Variants in PLAG1 observed in about 807,000 individuals in gnomAD.
The protein encoded by PLAG1 is zinc finger protein PLAG1.
A neutral mutation model predicts 35.5 loss-of-function variants in PLAG1; 7 were observed. The ratio of observed to expected loss-of-function variants is 0.20; its 90% CI spans 0.11 to 0.37. The LOEUF is 0.37. Ranked by LOEUF, PLAG1 falls within the 10% of genes least tolerant of loss-of-function variation. The pLI, the probability that PLAG1 is intolerant of heterozygous loss-of-function variation, is 1.00. For synonymous variants in PLAG1, 229 were observed against 225.4 expected (o/e 1.02, Z -0.14); for missense variants, 454 against 602.8 (o/e 0.75, Z 2.58).
At chr8:56,186,829 G>A (rs1812032599) in intron 1 of PLAG1, among the ~76,000 whole-genome samples, 1 of 151,924 alleles carries the variant, frequency 6.6e-6, no homozygotes, top group Non-Finnish European at 1.5e-5. Context: ...TGATTCTCCT[G>A]CCTCAGCCTC....
intron 1 of PLAG1, among the ~76,000 whole-genome samples, chr8:56,197,944 G>A (rs939641998): frequency 1.3e-5 from 2 of 152,152 alleles, no homozygotes; most frequent in African/African-American, 4.8e-5. Flanking sequence ...CAACCTTGCT[G>A]TTCCACACTT....
At chr8:56,189,488 TATC>T (rs2129230434) in intron 1 of PLAG1, among the ~76,000 whole-genome samples, 1 of 152,312 alleles carries the variant, frequency 6.6e-6, no homozygotes, top group Non-Finnish European at 1.5e-5. Flanking sequence ...AACAAATCCT[TATC>T]ATTTAATTTA....
intron 3 of PLAG1, among the ~76,000 whole-genome samples, chr8:56,170,705 A>G (rs1238977946): frequency 1.3e-5 from 2 of 152,192 alleles, no homozygotes; most frequent in Non-Finnish European, 2.9e-5. Flanking sequence ...TAAGAAAAAC[A>G]ACTTCTAAGT....
intron 1 of PLAG1, among the ~76,000 whole-genome samples, chr8:56,203,852 T>A (rs1459171376): frequency 6.6e-6 from 1 of 152,042 alleles, no homozygotes; most frequent in Non-Finnish European, 1.5e-5. Context: ...TTTATACAAT[T>A]AAATTACCTC....
chr8:56,182,000 G>A (rs1337123092), intron 1 of PLAG1, among the ~76,000 whole-genome samples: 1 of 152,200 alleles, frequency 6.6e-6, no homozygotes, highest in African/African-American at 2.4e-5. Flanking sequence ...TAGAACCACA[G>A]ATGATTAGAT....
At chr8:56,172,303 T>C (rs868697410) in intron 2 of PLAG1, among the ~76,000 whole-genome samples, 5 of 152,176 alleles carry the variant, frequency 3.3e-5, no homozygotes, top group African/African-American at 1.2e-4. Flanking sequence ...CATTTTTTTA[T>C]AGTTTAAAAG....
chr8:56,198,349 G>A (rs941290610), intron 1 of PLAG1, among the ~76,000 whole-genome samples: 5 of 152,222 alleles, frequency 3.3e-5, no homozygotes, highest in African/African-American at 1.2e-4. Flanking sequence ...AGCTGAGGCA[G>A]GCAGGCTGTG....
chr8:56,207,112 T>C (rs1812722284), intron 1 of PLAG1, among the ~76,000 whole-genome samples: 1 of 151,964 alleles, frequency 6.6e-6, no homozygotes, highest in Non-Finnish European at 1.5e-5. Context: ...TTTATATATC[T>C]TAATTTTCCA....
intron 2 of PLAG1, chr8:56,178,076 C>CCTT: frequency 1.2e-6 from 1 of 849,540 alleles, no homozygotes; most frequent in Non-Finnish European, 1.4e-6. Context: ...GCACATGGAA[C>CCTT]TACAGGTTGA....
In PLAG1 at chr8:56,179,456, G is replaced by A. The variant is rs1010668229; in HGVS notation, c.-264C>T. The A allele has an allele frequency of 4.1e-6, 4 of 978,910 alleles. No individual in the cohort carries two copies. Among genetic ancestry groups the A allele is most frequent in the South Asian group, 9.5e-5 (2 of 21,146 alleles). The allele number at this position is 978,910 out of a possible 1,614,324, so 60.6% of individuals were successfully genotyped here. A position where few individuals can be genotyped will look rare whatever the true frequency, so the allele number is the denominator to read the frequency against. Reference sequence around the variant, plus strand: ...AGCAAGGCAACCTTATTAATAGACCGTCACAGAATGAAGCATTCTGGGTGC... The same window carrying A: ...AGCAAGGCAACCTTATTAATAGACCATCACAGAATGAAGCATTCTGGGTGC... On this transcript the variant is annotated 5_prime_UTR_variant, in exon 2 of 5. It adds an upstream start codon to the 5' untranslated region. Coordinates refer to ENST00000316981, the MANE Select transcript of PLAG1 (RefSeq NM_002655.3).
rs1811410021 is a variant in PLAG1 at position 56,167,986 on chromosome 8, A to G, written c.242+42T>C. ...TTTACAATGGCTTCAAACAGCCAAC[A>G]TAAGAGAAAATATAATCTGAAAGAC... is the stretch of plus-strand genomic sequence containing the variant. On this transcript the variant is annotated intron_variant, in intron 4 of 4. Coordinates refer to ENST00000316981, the MANE Select transcript of PLAG1 (RefSeq NM_002655.3). This position sits in a 1 kb window ranked among gnomAD's most constrained non-coding sequence, Gnocchi z 5.9. 1 of 1,122,952 alleles carries G rather than the reference A, an allele frequency of 8.9e-7. No individual in the cohort carries two copies. Among genetic ancestry groups the G allele is most frequent in the Admixed American group, 2.1e-5 (1 of 46,678 alleles). 69.6% of individuals were successfully genotyped at this position (1,122,952 alleles called of 1,614,324 possible).
chr8:56,171,029 A>G (rs1315870267), intron 3 of PLAG1, 62 bp downstream of exon 3: 5 of 259,284 alleles, frequency 1.9e-5, no homozygotes, highest in African/African-American at 9.2e-5. Context: ...TAATATGCAT[A>G]TCAGTCAAAT....
chr8:56,184,231 G>A lies in PLAG1; in HGVS notation c.-321-4718C>T, dbSNP rs140972332. On this transcript the variant is annotated intron_variant, in intron 1 of 4. Transcript: ENST00000316981. The stretch of plus-strand genomic sequence containing the variant: ...ATATATGAATGGTAAAGGAGCACAC[G>A]AAAAGATCACTGATCATTAGGGAAA... Among the ~76,000 whole-genome samples, 11 of 152,236 alleles carry A rather than the reference G, an allele frequency of 7.2e-5. 1 individual carries two copies. In the East Asian group the frequency reaches 1.2e-3, roughly 16 times the overall value.
intron 1 of PLAG1, among the ~76,000 whole-genome samples, chr8:56,208,604 A>C: frequency 6.6e-6 from 1 of 152,322 alleles, no homozygotes; most frequent in South Asian, 2.1e-4. Flanking sequence ...ATTCAGCTCT[A>C]ATTTTAATCC....
rs986414594 is a variant in PLAG1, at chr8:56,166,045, C to G, written c.*198G>C. ...TGGCAGTGAATCAGGACAAAATACC[C>G]AGGTAAACTTAACTGAACACAAATG... On this transcript the variant is annotated 3_prime_UTR_variant, in exon 5 of 5. Coordinates refer to ENST00000316981, the MANE Select transcript of PLAG1 (RefSeq NM_002655.3). 1.4e-5 allele frequency: 5 copies of G among 353,894 alleles called. No homozygotes were observed. The highest frequency in any genetic ancestry group is 4.2e-5 in the African/African-American group (2 of 47,896). The allele number at this position is 353,894 out of a possible 1,614,324, so 21.9% of individuals were successfully genotyped here. A position where few individuals can be genotyped will look rare whatever the true frequency, so the allele number is the denominator to read the frequency against.
At chr8:56,202,065 T>C (rs1812571289) in intron 1 of PLAG1, among the ~76,000 whole-genome samples, 1 of 152,018 alleles carries the variant, frequency 6.6e-6, no homozygotes, top group South Asian at 2.1e-4. Context: ...ACCTCTGCTT[T>C]CTTATTTGAT....
At chr8:56,177,438 G>C (rs887752678) in intron 2 of PLAG1, among the ~76,000 whole-genome samples, 2 of 152,094 alleles carry the variant, frequency 1.3e-5, no homozygotes, top group Admixed American at 6.5e-5. Flanking sequence ...TACTCTCCTG[G>C]CTGGAACAAT....
At chr8:56,176,091 G>T (rs1197774719) in intron 2 of PLAG1, among the ~76,000 whole-genome samples, 4 of 146,838 alleles carry the variant, frequency 2.7e-5, no homozygotes, top group East Asian at 3.9e-4. Context: ...TGTCACCTAG[G>T]CTGGATGGAG....
intron 1 of PLAG1, among the ~76,000 whole-genome samples, chr8:56,187,389 A>C (rs1812050989): frequency 6.6e-6 from 1 of 152,228 alleles, no homozygotes; most frequent in Non-Finnish European, 1.5e-5. Context: ...AGCAGCAGAG[A>C]GACAAAGGCA....
Sources: allele counts gnomAD v4.1 joint callset (sites outside exome capture counted in the v4.1 genomes callset), GRCh38; gene constraint gnomAD v4.1.1; non-coding constraint Gnocchi (gnomAD v3.1); transcripts MANE v1.5; gene names NCBI Gene and HGNC (gene_info 2026-07-23, HGNC 2026-07-21).